UNC80: variants seen among roughly 807,000 people sequenced by gnomAD.
The protein encoded by UNC80 is protein unc-80 homolog.
UNC80 carries 164 observed loss-of-function variants against 384.6 expected under a neutral mutation model. The ratio of observed to expected loss-of-function variants is 0.43; its 90% CI spans 0.38 to 0.49. The LOEUF is 0.49. Ranked by LOEUF, UNC80 falls within the 20% of genes least tolerant of loss-of-function variation. The pLI is 0.00. For missense variants in UNC80, 3,330 were observed against 4,143.0 expected (o/e 0.80, Z 5.39); for synonymous variants, 1,486 against 1,527.8 (o/e 0.97, Z 0.64).
chr2:209,782,941 C>T (rs1186039434), intron 4 of UNC80, among the ~76,000 whole-genome samples: 3 of 151,156 alleles, frequency 2.0e-5, no homozygotes, highest in Non-Finnish European at 1.5e-5. Flanking sequence ...TTATCAAGTG[C>T]CTGCTGTATG....
intron 2 of UNC80, 50 bp downstream of exon 2, chr2:209,773,192 T>C (rs748733795): frequency 1.3e-6 from 2 of 1,514,620 alleles, no homozygotes; most frequent in Non-Finnish European, 1.8e-6. Context: ...TGTGTGGTGG[T>C]TTGAACCCAA....
chr2:209,968,664 G>A (rs901330901), intron 52 of UNC80: 1 of 152,116 alleles, frequency 6.6e-6, no homozygotes, highest in African/African-American at 2.4e-5. Flanking sequence ...GATCCCAATA[G>A]AACATTTGTG....
At chr2:209,811,466 A>G (rs2079342431) in intron 7 of UNC80, among the ~76,000 whole-genome samples, 1 of 152,180 alleles carries the variant, frequency 6.6e-6, no homozygotes, top group Non-Finnish European at 1.5e-5. Flanking sequence ...CTGATGAGAG[A>G]TGTTAGTGGC....
At chr2:209,873,140 A>G (rs2084451159) in intron 23 of UNC80, among the ~76,000 whole-genome samples, 170 bp downstream of exon 23, 1 of 152,216 alleles carries the variant, frequency 6.6e-6, no homozygotes, top group Non-Finnish European at 1.5e-5. Flanking sequence ...CGTCCCAATA[A>G]ATCTATGAGG....
chr2:209,900,825 C>T (rs1327879678), intron 28 of UNC80, among the ~76,000 whole-genome samples: 2 of 152,150 alleles, frequency 1.3e-5, no homozygotes, highest in Non-Finnish European at 2.9e-5. Flanking sequence ...GTGTAATTGC[C>T]GATATGGAGA....
At chr2:209,876,710 T>G (rs1249071986) in intron 23 of UNC80, among the ~76,000 whole-genome samples, 1 of 152,188 alleles carries the variant, frequency 6.6e-6, no homozygotes, top group Non-Finnish European at 1.5e-5. Context: ...CTTTTTGTTG[T>G]GGTGGTGGTT....
At chr2:209,799,786 T>C (rs2078422392) in intron 7 of UNC80, among the ~76,000 whole-genome samples, 1 of 152,218 alleles carries the variant, frequency 6.6e-6, no homozygotes, top group Non-Finnish European at 1.5e-5. Flanking sequence ...TGAAGGGATG[T>C]TGGGTTTTAT....
rs1295230951 is a variant in UNC80, at chr2:209,894,418, C to T, written c.4480+52C>T. The T allele has an allele frequency of 3.2e-6, 3 of 945,890 alleles. No homozygotes were observed. The African/African-American group carries it at 5.3e-5, about 17-fold the overall frequency. The allele number at this position is 945,890 out of a possible 1,614,324, so 58.6% of individuals were successfully genotyped here. On this transcript the variant is annotated intron_variant, in intron 27 of 64. Coordinates refer to ENST00000673920, the MANE Select transcript of UNC80 (RefSeq NM_001371986.1). The stretch of plus-strand genomic sequence containing the variant: ...GGACGTGGGGGGTAGGAAGACAGGG[C>T]CCAAGTCCCAAAAGAGCTGAAGTCC...
chr2:209,876,591 T>A (rs1249916513), intron 23 of UNC80, among the ~76,000 whole-genome samples: 2 of 152,166 alleles, frequency 1.3e-5, no homozygotes, highest in Non-Finnish European at 2.9e-5. Flanking sequence ...AATGTAGATA[T>A]TTTTCCCTTT....
At chr2:209,801,409 A>C (rs1233228334) in intron 7 of UNC80, among the ~76,000 whole-genome samples, 2 of 108,902 alleles carry the variant, frequency 1.8e-5, no homozygotes, top group South Asian at 5.6e-4. Flanking sequence ...TTTTGACGGA[A>C]TCTTCCTCTG....
At chr2:209,977,373 A>G (rs1041468033) in intron 58 of UNC80, among the ~76,000 whole-genome samples, 2 of 152,188 alleles carry the variant, frequency 1.3e-5, no homozygotes, top group African/African-American at 4.8e-5. Flanking sequence ...TTGAGTATTT[A>G]ATTGGAAGAA....
chr2:209,963,073 G>A (rs1256202522), intron 51 of UNC80, among the ~76,000 whole-genome samples: 2 of 152,238 alleles, frequency 1.3e-5, no homozygotes, highest in East Asian at 1.9e-4. Context: ...TTTGCAGAAT[G>A]TATGGTTGAT....
intron 51 of UNC80, 103 bp downstream of exon 51, chr2:209,959,810 T>A: frequency 9.5e-7 from 1 of 1,050,058 alleles, no homozygotes; most frequent in African/African-American, 1.6e-5. Flanking sequence ...GAAAAACTCT[T>A]AATATAGAAT....
At chr2:209,945,439 T>C (rs1260742366) in intron 46 of UNC80, among the ~76,000 whole-genome samples, 1 of 152,186 alleles carries the variant, frequency 6.6e-6, no homozygotes, top group African/African-American at 2.4e-5. Context: ...AGTAGACCAC[T>C]GCTGTAGCAC....
At chr2:209,963,366 C>T (rs2092653281) in intron 51 of UNC80, among the ~76,000 whole-genome samples, 1 of 152,166 alleles carries the variant, frequency 6.6e-6, no homozygotes, top group Admixed American at 6.5e-5. Flanking sequence ...TTTGATTATA[C>T]ATGTGATAGT....
chr2:209,807,717 G>T (rs1323060677), intron 7 of UNC80, among the ~76,000 whole-genome samples: 1 of 152,070 alleles, frequency 6.6e-6, no homozygotes, highest in Non-Finnish European at 1.5e-5. Context: ...ATGTTAGTCT[G>T]CTGGTTAATT....
chr2:209,846,702 G>T (rs6752217), intron 21 of UNC80, among the ~76,000 whole-genome samples: 23,330 of 151,980 alleles, frequency 0.15, 2,155 homozygotes, highest in Middle Eastern at 0.28. Context: ...TTAAACAAAT[G>T]CAGCTAAAAT....
chr2:209,958,760 C>A (rs1281392630), intron 49 of UNC80, among the ~76,000 whole-genome samples: 1 of 152,162 alleles, frequency 6.6e-6, no homozygotes. Context: ...AGCCATGATT[C>A]TCCTTCCTGT....
rs771138118 is a variant in UNC80 at position 209,995,889 on chromosome 2, A to C, written c.*294A>C. 1.2e-4 allele frequency: 35 copies of C among 297,890 alleles called. No individual in the cohort carries two copies. The highest frequency in any genetic ancestry group is 1.9e-4 in the Non-Finnish European group (30 of 157,468). The allele number at this position is 297,890 out of a possible 1,614,324, so 18.5% of individuals were successfully genotyped here. On this transcript the variant is annotated 3_prime_UTR_variant, in exon 65 of 65. Coordinates refer to ENST00000673920, the MANE Select transcript of UNC80 (RefSeq NM_001371986.1). The stretch of plus-strand genomic sequence containing the variant: ...GATTCAAGAAGCCTTCAGCAGTTAA[A>C]AATATATACTATTCATTGCTGCTTT...
Sources: gnomAD v4.1 joint callset for allele counts (sites outside exome capture counted in the v4.1 genomes callset) on GRCh38, gnomAD v4.1.1 for gene constraint, MANE v1.5 for transcripts, NCBI Gene and HGNC (gene_info 2026-07-23, HGNC 2026-07-21) for gene names.